The following TLK1 variants were observed in gnomAD, a reference collection of about 807,000 sequenced individuals.
The protein encoded by TLK1 is serine/threonine-protein kinase tousled-like 1.
A neutral mutation model predicts 105.3 loss-of-function variants in TLK1; 24 were observed. That is an observed-to-expected ratio of 0.23 (90% confidence interval 0.17 to 0.32). The LOEUF (loss-of-function observed/expected upper bound fraction) is 0.32. Among genes scored for constraint, TLK1 ranks in the 10% least tolerant of loss-of-function variants. TLK1 has a pLI of 1.00. For missense variants in TLK1, 558 were observed against 910.5 expected, an observed-to-expected ratio of 0.61 and a Z score of 4.98; for synonymous variants, 321 against 310.4, an observed-to-expected ratio of 1.03 and a Z score of -0.36.
intron 10 of TLK1, among the ~76,000 whole-genome samples, chr2:171,047,721 T>C (rs1159389173): frequency 1.3e-5 from 2 of 152,188 alleles, no homozygotes; most frequent in African/African-American, 4.8e-5. Flanking sequence ...TCCTAATGAT[T>C]AAAATATTAA....
chr2:171,097,222 T>TG (rs1689489021), intron 2 of TLK1, among the ~76,000 whole-genome samples: 3 of 152,056 alleles, frequency 2.0e-5, no homozygotes, highest in Admixed American at 2.0e-4. Context: ...GAACACACAA[T>TG]GGGGAAAGGA....
chr2:171,062,355 A>G (rs1253841361), intron 3 of TLK1, among the ~76,000 whole-genome samples: 1 of 152,212 alleles, frequency 6.6e-6, no homozygotes, highest in African/African-American at 2.4e-5. Context: ...TTTAATCCGT[A>G]TTTTCATGTC....
At chr2:171,052,451 T>C (rs1687287861) in intron 8 of TLK1, among the ~76,000 whole-genome samples, 1 of 152,144 alleles carries the variant, frequency 6.6e-6, no homozygotes, top group African/African-American at 2.4e-5. Flanking sequence ...CTAGAAAAAG[T>C]AGAAATAAAA....
At chr2:171,212,266 GC>G (rs1480809888) in intron 1 of TLK1, among the ~76,000 whole-genome samples, 1 of 125,300 alleles carries the variant, frequency 8.0e-6, no homozygotes, top group Non-Finnish European at 1.7e-5. Flanking sequence ...TGGCTCCCCT[GC>G]CCCCACCCTC....
chr2:171,090,190 TTTA>T (rs1193522361), intron 2 of TLK1, among the ~76,000 whole-genome samples: 1 of 152,138 alleles, frequency 6.6e-6, no homozygotes, highest in African/African-American at 2.4e-5. Flanking sequence ...AACTTATATT[TTTA>T]TTATAAAGAT....
In TLK1 at chr2:171,213,106, T is replaced by C. The variant is rs1693650676; in HGVS notation, c.-6+18039A>G. On this transcript the variant is annotated intron_variant, in intron 1 of 20. Transcript: ENST00000521943. The stretch of plus-strand genomic sequence containing the variant: ...AAAATTTTTTTTTAGAAAAAATATT[T>C]TTATCTCCAAAAGGTTTTGCTAATG... Among the ~76,000 whole-genome samples the C allele has an allele frequency of 2.0e-5, 3 of 152,082 alleles. No individual in the cohort carries two copies. In the South Asian group the frequency reaches 6.2e-4, roughly 32 times the overall value.
At chr2:171,014,982 A>C (rs967810758) in intron 12 of TLK1, 34 bp from the exon 13 acceptor site, 1 of 1,471,770 alleles carries the variant, frequency 6.8e-7, no homozygotes, top group Non-Finnish European at 9.5e-7. Flanking sequence ...TAACAAGCTC[A>C]ATTTATTTGC....
intron 11 of TLK1, among the ~76,000 whole-genome samples, chr2:171,040,538 A>G (rs1686613468): frequency 6.6e-6 from 1 of 151,360 alleles, no homozygotes; most frequent in Admixed American, 6.6e-5. Flanking sequence ...TAGTCTACTA[A>G]TAATGTTATA....
intron 1 of TLK1, among the ~76,000 whole-genome samples, chr2:171,173,222 T>C (rs1437305298): frequency 1.3e-5 from 2 of 152,206 alleles, no homozygotes; most frequent in African/African-American, 4.8e-5. Context: ...ACTATTATTA[T>C]AACTAAGGAA....
intron 1 of TLK1, among the ~76,000 whole-genome samples, chr2:171,158,818 GTCA>G (rs1432161835): frequency 2.0e-5 from 3 of 152,158 alleles, no homozygotes; most frequent in Non-Finnish European, 4.4e-5. Flanking sequence ...TAAATTTCTA[GTCA>G]TTTAATAAAT....
At chr2:171,012,307 G>A (rs1042503474) in intron 13 of TLK1, among the ~76,000 whole-genome samples, 3 of 151,980 alleles carry the variant, frequency 2.0e-5, no homozygotes, top group Non-Finnish European at 4.4e-5. Context: ...ACCCTATCAG[G>A]TAGGTCCTAT....
At chr2:171,047,534 G>C (rs2105425001) in intron 10 of TLK1, among the ~76,000 whole-genome samples, 1 of 152,220 alleles carries the variant, frequency 6.6e-6, no homozygotes, top group African/African-American at 2.4e-5. Flanking sequence ...AAATCAAGAA[G>C]AATCTAGGTA....
intron 1 of TLK1, among the ~76,000 whole-genome samples, chr2:171,170,047 TA>T (rs1692698030): frequency 6.6e-6 from 1 of 152,088 alleles, no homozygotes; most frequent in Non-Finnish European, 1.5e-5. Context: ...AAGAAAGGCA[TA>T]AAAACATGGC....
chr2:171,111,824 G>C (rs1279205564), intron 2 of TLK1, among the ~76,000 whole-genome samples: 1 of 152,158 alleles, frequency 6.6e-6, no homozygotes, highest in East Asian at 1.9e-4. Context: ...TTACATGAGT[G>C]TATATACATT....
intron 10 of TLK1, among the ~76,000 whole-genome samples, chr2:171,047,130 A>T (rs1687000337): frequency 6.6e-6 from 1 of 152,230 alleles, no homozygotes; most frequent in Non-Finnish European, 1.5e-5. Context: ...CCCATTCAAG[A>T]AACTGAAACA....
Position 170,993,696 on chromosome 2 carries a change from A to AAAT in TLK1, c.*83_*84insATT. The stretch of plus-strand genomic sequence containing the variant: ...AAAAAAAAAAAAAAAAAAAAGAAAA[A>AAAT]GAAAACAAACACTCAAATGCTCTCA... On this transcript the variant is annotated 3_prime_UTR_variant, in exon 21 of 21. Coordinates refer to ENST00000431350, the MANE Select transcript of TLK1 (RefSeq NM_012290.5). 1 of 1,119,366 alleles carries AAAT rather than the reference A, an allele frequency of 8.9e-7. No homozygotes were observed. The highest frequency in any genetic ancestry group is 1.2e-6 in the Non-Finnish European group (1 of 833,152). The allele number at this position is 1,119,366 out of a possible 1,614,324, so 69.3% of individuals were successfully genotyped here. A position where few individuals can be genotyped will look rare whatever the true frequency, so the allele number is the denominator to read the frequency against.
intron 3 of TLK1, 23 bp from the exon 4 acceptor site, chr2:171,061,179 T>C: frequency 6.2e-7 from 1 of 1,609,518 alleles, no homozygotes; most frequent in Non-Finnish European, 8.5e-7. Context: ...AGATAACAGA[T>C]TTTTAAATGA....
At chr2:171,180,613 T>C (rs1692911461) in intron 1 of TLK1, among the ~76,000 whole-genome samples, 1 of 152,208 alleles carries the variant, frequency 6.6e-6, no homozygotes. Flanking sequence ...TTTCCAGAGT[T>C]CTGAAGTAGT....
chr2:171,177,590 T>C (rs1170090117), intron 1 of TLK1, among the ~76,000 whole-genome samples: 1 of 152,192 alleles, frequency 6.6e-6, no homozygotes, highest in Non-Finnish European at 1.5e-5. Context: ...GGAACAGAAC[T>C]GGTCATCAAA....
Sources: gnomAD v4.1 joint callset for allele counts (sites outside exome capture counted in the v4.1 genomes callset) on GRCh38, gnomAD v4.1.1 for gene constraint, MANE v1.5 for transcripts, NCBI Gene and HGNC (gene_info 2026-07-23, HGNC 2026-07-21) for gene names.